Variants in STAU2 observed in about 807,000 individuals in gnomAD.
The protein encoded by STAU2 is staufen double-stranded RNA binding protein 2.
Under a neutral mutation model 65.9 loss-of-function variants are expected in STAU2, and 20 were observed. That is an observed-to-expected ratio of 0.30 (90% CI 0.21 to 0.44). STAU2 has a LOEUF of 0.44. Ranked by LOEUF, STAU2 falls within the 20% of genes least tolerant of loss-of-function variation. The probability of loss-of-function intolerance (pLI) is 1.00; values close to 1 mark genes in which losing one functional copy is unlikely to be tolerated. For missense variants in STAU2, 558 were observed against 683.9 expected, an observed-to-expected ratio of 0.82 and a Z score of 2.05; for synonymous variants, 232 against 233.9, an observed-to-expected ratio of 0.99 and a Z score of 0.07.
chr8:73,457,994 A>G (rs2047376848), intron 13 of STAU2, among the ~76,000 whole-genome samples: 1 of 152,238 alleles, frequency 6.6e-6, no homozygotes, highest in African/African-American at 2.4e-5. Context: ...CCAATAGCAG[A>G]TAATTGGCAA....
chr8:73,728,141 C>T (rs1213811917), intron 3 of STAU2: 1 of 152,030 alleles, frequency 6.6e-6, no homozygotes, highest in East Asian at 1.9e-4. Flanking sequence ...AGTAGGGGTC[C>T]AACTTTATTG....
At chr8:73,606,387 AATTT>A (rs530165010) in intron 9 of STAU2, among the ~76,000 whole-genome samples, 415 of 152,212 alleles carry the variant, frequency 2.7e-3, no homozygotes, top group Non-Finnish European at 4.0e-3. Flanking sequence ...TTCAATAATA[AATTT>A]ATTATTATTT....
At chr8:73,564,628 C>T (rs920091855) in intron 12 of STAU2, among the ~76,000 whole-genome samples, 2 of 151,844 alleles carry the variant, frequency 1.3e-5, no homozygotes, top group Non-Finnish European at 2.9e-5. Flanking sequence ...ACCTACATAA[C>T]AAACCTGCAT....
chr8:73,622,923 G>C (rs925905287), intron 6 of STAU2, among the ~76,000 whole-genome samples: 1 of 152,138 alleles, frequency 6.6e-6, no homozygotes, highest in Non-Finnish European at 1.5e-5. Flanking sequence ...ATGTCTCCTT[G>C]CCTTCTAACT....
chr8:73,727,933 C>T (rs1805767850), intron 3 of STAU2: 1 of 152,162 alleles, frequency 6.6e-6, no homozygotes. Context: ...TGGTATCTTA[C>T]TGTGGTTTTC....
chr8:73,569,036 G>A (rs972012963), intron 12 of STAU2, among the ~76,000 whole-genome samples: 3 of 152,098 alleles, frequency 2.0e-5, no homozygotes, highest in Non-Finnish European at 4.4e-5. Flanking sequence ...AAGCGCAAGG[G>A]GTCGGGGAAT....
At chr8:73,649,267 A>T (rs577449055) in intron 6 of STAU2, among the ~76,000 whole-genome samples, 1 of 152,310 alleles carries the variant, frequency 6.6e-6, no homozygotes, top group East Asian at 1.9e-4. Context: ...TTTTTTTGAT[A>T]TCCAATAAGT....
intron 3 of STAU2, among the ~76,000 whole-genome samples, chr8:73,730,552 C>A (rs1805975093): frequency 6.6e-6 from 1 of 151,914 alleles, no homozygotes; most frequent in Non-Finnish European, 1.5e-5. Flanking sequence ...CATGGCAAAA[C>A]CCCGTCTCTA....
chr8:73,429,413 CTTTTTTTTTT>C (rs71561522), intron 13 of STAU2, among the ~76,000 whole-genome samples: 107 of 65,344 alleles, frequency 1.6e-3, no homozygotes, highest in African/African-American at 4.2e-3. Context: ...TTGCTCAGGT[CTTTTTTTTTT>C]TTTTTTTTTT....
chr8:73,482,873 A>G (rs1428593805), intron 13 of STAU2, among the ~76,000 whole-genome samples: 1 of 151,860 alleles, frequency 6.6e-6, no homozygotes, highest in Non-Finnish European at 1.5e-5. Flanking sequence ...ACCAAGGTTC[A>G]GGTGTTAAAG....
chr8:73,727,800 C>T (rs1805757984), intron 3 of STAU2: 1 of 152,180 alleles, frequency 6.6e-6, no homozygotes, highest in Admixed American at 6.5e-5. Context: ...ACTCTTTTTT[C>T]CACAGAGGCT....
intron 10 of STAU2, among the ~76,000 whole-genome samples, chr8:73,599,923 A>T (rs1338775304): frequency 6.6e-6 from 1 of 152,156 alleles, no homozygotes; most frequent in East Asian, 1.9e-4. Context: ...GCCCACCACC[A>T]TGTCCGGCTA....
At chr8:73,688,489 CGTGT>C (rs34713766) in intron 5 of STAU2, among the ~76,000 whole-genome samples, 161 bp downstream of exon 5, 4,628 of 146,614 alleles carry the variant, frequency 0.032, 122 homozygotes, top group African/African-American at 0.067. Flanking sequence ...TTTATGCTAC[CGTGT>C]GTGTGTGTGT....
intron 13 of STAU2, chr8:73,511,129 AG>A (rs1432162616): frequency 6.6e-6 from 1 of 152,644 alleles, no homozygotes; most frequent in Non-Finnish European, 1.5e-5. Context: ...TTATCCACGA[AG>A]GGAAACAACC....
intron 11 of STAU2, among the ~76,000 whole-genome samples, chr8:73,593,708 C>T (rs1421899751): frequency 6.6e-6 from 1 of 152,106 alleles, no homozygotes; most frequent in African/African-American, 2.4e-5. Context: ...GAACAAAACG[C>T]TGACCTCCCT....
At chr8:73,530,208 C>A (rs1185827004) in intron 13 of STAU2, among the ~76,000 whole-genome samples, 1 of 152,144 alleles carries the variant, frequency 6.6e-6, no homozygotes, top group Non-Finnish European at 1.5e-5. Flanking sequence ...AAAAAATAAT[C>A]TCTATATTGT....
At chr8:73,561,553 A>G in intron 12 of STAU2, 1 of 455,408 alleles carries the variant, frequency 2.2e-6, no homozygotes, top group Non-Finnish European at 4.4e-6. Context: ...CGACAGAAAA[A>G]CACCAAAAAA....
intron 3 of STAU2, among the ~76,000 whole-genome samples, chr8:73,713,187 T>C (rs995707166): frequency 1.3e-5 from 2 of 152,222 alleles, no homozygotes; most frequent in Non-Finnish European, 2.9e-5. Context: ...AATAACAGTA[T>C]TTGCATATCC....
chr8:73,532,842 A>G (rs1215211366), intron 13 of STAU2, among the ~76,000 whole-genome samples: 3 of 152,144 alleles, frequency 2.0e-5, no homozygotes, highest in African/African-American at 7.2e-5. Context: ...CCAATTGCCA[A>G]TCAGAAAATC....
Sources: gnomAD v4.1 joint callset for allele counts (sites outside exome capture counted in the v4.1 genomes callset) on GRCh38, gnomAD v4.1.1 for gene constraint, MANE v1.5 for transcripts, NCBI Gene and HGNC (gene_info 2026-07-23, HGNC 2026-07-21) for gene names.